The following CAST variants were observed in gnomAD, a reference collection of about 807,000 sequenced individuals.
CAST encodes the protein calpastatin.
CAST carries 76 observed loss-of-function variants against 119.6 expected under a neutral mutation model. The ratio of observed to expected loss-of-function variants is 0.64; its 90% confidence interval spans 0.53 to 0.77. The LOEUF (loss-of-function observed/expected upper bound fraction) is 0.77. Ranked by LOEUF, CAST falls within the 30% of genes least tolerant of loss-of-function variation. The pLI, the probability that CAST is intolerant of heterozygous loss-of-function variation, is 0.00. For synonymous variants in CAST, 319 were observed against 331.6 expected, an observed-to-expected ratio of 0.96 and a Z score of 0.41; for missense variants, 953 against 946.5, an observed-to-expected ratio of 1.01 and a Z score of -0.09.
chr5:96,259,597 G>T, the CAST span, among the ~76,000 whole-genome samples: 1 of 152,088 alleles, frequency 6.6e-6, no homozygotes, highest in African/African-American at 2.4e-5. Context: ...TTATACCTCC[G>T]ATCACAGTGA....
intron 1 of CAST, chr5:96,585,049 AG>A (rs1777160673): frequency 6.6e-6 from 1 of 152,268 alleles, no homozygotes; most frequent in African/African-American, 2.4e-5. Flanking sequence ...TTTGGAACTG[AG>A]ACAATAGATT....
chr5:96,069,010 C>A, the CAST span, among the ~76,000 whole-genome samples: 1 of 149,304 alleles, frequency 6.7e-6, no homozygotes, highest in East Asian at 2.0e-4. Flanking sequence ...TATATATGTG[C>A]ATGTGTATAA....
chr5:96,057,025 C>G, the CAST span, among the ~76,000 whole-genome samples: 2 of 152,032 alleles, frequency 1.3e-5, no homozygotes. Flanking sequence ...TCTGTGGCTG[C>G]TACATGGTTG....
At chr5:96,751,393 G>A (rs1200156469) in intron 20 of CAST, among the ~76,000 whole-genome samples, 1 of 152,108 alleles carries the variant, frequency 6.6e-6, no homozygotes, top group Non-Finnish European at 1.5e-5. Context: ...ATTTTCACAA[G>A]GACACTATGA....
the CAST span, among the ~76,000 whole-genome samples, chr5:96,473,626 T>A: frequency 4.6e-5 from 7 of 152,190 alleles, no homozygotes; most frequent in African/African-American, 1.7e-4. Flanking sequence ...GAATGGAGCC[T>A]GACTATATCG....
At chr5:96,263,349 G>A in the CAST span, among the ~76,000 whole-genome samples, 1 of 152,152 alleles carries the variant, frequency 6.6e-6, no homozygotes, top group Non-Finnish European at 1.5e-5. Context: ...AGTTGGACAA[G>A]TGGCTCAAGG....
At chr5:96,733,957 G>C (rs112429301) in intron 9 of CAST, among the ~76,000 whole-genome samples, 1,848 of 152,278 alleles carry the variant, frequency 0.012, 36 homozygotes, top group South Asian at 0.033. Flanking sequence ...GCCTGTCTAG[G>C]GGGTGGGGAA....
At chr5:96,346,179 G>A in the CAST span, among the ~76,000 whole-genome samples, 1 of 152,114 alleles carries the variant, frequency 6.6e-6, no homozygotes, top group South Asian at 2.1e-4. Flanking sequence ...ATTGGCTATG[G>A]TAGATAAAGG....
At chr5:96,614,023 G>T (rs72772034) in intron 1 of CAST, among the ~76,000 whole-genome samples, 5,328 of 152,160 alleles carry the variant, frequency 0.035, 132 homozygotes, top group African/African-American at 0.067. Context: ...TGTCTATTTT[G>T]TAATGAAGGA....
At chr5:96,452,011 G>T in the CAST span, among the ~76,000 whole-genome samples, 55 of 152,322 alleles carry the variant, frequency 3.6e-4, 1 homozygote, top group African/African-American at 1.3e-3. Context: ...GAGAGGATGT[G>T]GAGAAATAGG....
the CAST span, among the ~76,000 whole-genome samples, chr5:96,518,183 C>G: frequency 6.6e-6 from 1 of 152,234 alleles, no homozygotes; most frequent in Admixed American, 6.5e-5. Flanking sequence ...AAGACTAACA[C>G]TAGGATGACG....
intron 29 of CAST, chr5:96,768,281 C>T (rs1016389107): frequency 2.2e-5 from 9 of 415,848 alleles, no homozygotes; most frequent in East Asian, 6.0e-5. Context: ...GAGGGGGTTT[C>T]GCCATGTTGC....
At chr5:96,767,837 T>C in intron 28 of CAST, 70 bp from the exon 29 acceptor site, 1 of 862,394 alleles carries the variant, frequency 1.2e-6, no homozygotes, top group Non-Finnish European at 2.0e-6. Context: ...GTAAGTGATG[T>C]GGGAAAAGAC....
the CAST span, among the ~76,000 whole-genome samples, chr5:96,418,970 TATC>T: frequency 6.6e-6 from 1 of 152,020 alleles, no homozygotes; most frequent in Non-Finnish European, 1.5e-5. Context: ...CTGTGATCAT[TATC>T]ATCATCATCA....
chr5:96,174,596 T>G, the CAST span, among the ~76,000 whole-genome samples: 3 of 152,356 alleles, frequency 2.0e-5, no homozygotes, highest in South Asian at 6.2e-4. Context: ...TGGTTAGAAT[T>G]AGTAGTTTAA....
the CAST span, among the ~76,000 whole-genome samples, chr5:96,431,495 TCTC>T: frequency 1.3e-5 from 2 of 152,166 alleles, no homozygotes; most frequent in African/African-American, 4.8e-5. Flanking sequence ...TCTAAGCTAG[TCTC>T]CTCTAGATTC....
chr5:96,238,602 G>A, the CAST span, among the ~76,000 whole-genome samples: 12 of 146,670 alleles, frequency 8.2e-5, no homozygotes, highest in South Asian at 6.4e-4. Context: ...GTTTCACCAC[G>A]TTGGCCAGGC....
the CAST span, among the ~76,000 whole-genome samples, chr5:96,026,047 A>G: frequency 1.3e-5 from 2 of 152,240 alleles, no homozygotes; most frequent in East Asian, 3.9e-4. Flanking sequence ...GGCTTGGGCA[A>G]TATGGTGAGA....
At chr5:96,125,537 C>G in the CAST span, among the ~76,000 whole-genome samples, 1 of 152,034 alleles carries the variant, frequency 6.6e-6, no homozygotes, top group Non-Finnish European at 1.5e-5. Flanking sequence ...AATCCTGGCT[C>G]TAGTATTTGC....
Sources: allele counts gnomAD v4.1 joint callset (sites outside exome capture counted in the v4.1 genomes callset), GRCh38; gene constraint gnomAD v4.1.1; transcripts MANE v1.5; gene names NCBI Gene and HGNC (gene_info 2026-07-23, HGNC 2026-07-21).